REC114: variants seen among roughly 807,000 people sequenced by gnomAD.
The protein encoded by REC114 is REC114 meiotic recombination protein.
Under a neutral mutation model 31.3 loss-of-function variants are expected in REC114, and 27 were observed. That is an observed-to-expected ratio of 0.86 (90% CI 0.64 to 1.19). The LOEUF (loss-of-function observed/expected upper bound fraction) is 1.19. REC114 is among the 50% of genes most tolerant of loss of function. The pLI is 0.00. For missense variants in REC114, 344 were observed against 326.9 expected (o/e 1.05, Z -0.40); for synonymous variants, 134 against 127.7 (o/e 1.05, Z -0.33).
chr15:73,552,906 C>CCAGGTT (rs1894411837), intron 4 of REC114, among the ~76,000 whole-genome samples: 1 of 152,136 alleles, frequency 6.6e-6, no homozygotes, highest in East Asian at 1.9e-4. Flanking sequence ...ACCTGGCCTC[C>CCAGGTT]CAGGTTCAAG....
intron 2 of REC114, among the ~76,000 whole-genome samples, chr15:73,537,204 A>G (rs1232164136): frequency 6.6e-6 from 1 of 152,222 alleles, no homozygotes; most frequent in Admixed American, 6.5e-5. Flanking sequence ...ACACAATGAT[A>G]AATGCTATGA....
intron 4 of REC114, among the ~76,000 whole-genome samples, chr15:73,555,820 T>G (rs1894459001): frequency 2.0e-5 from 3 of 152,218 alleles, no homozygotes; most frequent in Admixed American, 1.3e-4. Context: ...AAAACATCAG[T>G]TGTCTTAAAA....
chr15:73,522,147 C>T (rs566095396), intron 2 of REC114, among the ~76,000 whole-genome samples: 47 of 152,294 alleles, frequency 3.1e-4, no homozygotes, highest in African/African-American at 1.0e-3. Context: ...TCCTCTCCTT[C>T]CCTGTCATGT....
At chr15:73,520,816 ATTTG>A (rs1327595668) in intron 2 of REC114, among the ~76,000 whole-genome samples, 1 of 152,150 alleles carries the variant, frequency 6.6e-6, no homozygotes, top group African/African-American at 2.4e-5. Context: ...AACTCATTAT[ATTTG>A]TTTATTAGAA....
chr15:73,535,992 G>GA (rs1278636903), intron 2 of REC114, among the ~76,000 whole-genome samples: 1 of 149,124 alleles, frequency 6.7e-6, no homozygotes, highest in African/African-American at 2.5e-5. Flanking sequence ...GCTGAAACTG[G>GA]ATCCCTTCCT....
intron 4 of REC114, among the ~76,000 whole-genome samples, chr15:73,552,489 A>T (rs561946912): frequency 6.6e-6 from 1 of 152,362 alleles, no homozygotes; most frequent in East Asian, 1.9e-4. Flanking sequence ...AACATTTTTA[A>T]ATTCCGTGTT....
At chr15:73,458,869 A>G (rs1892952529) in intron 1 of REC114, among the ~76,000 whole-genome samples, 1 of 152,228 alleles carries the variant, frequency 6.6e-6, no homozygotes. Context: ...TCATATGTCT[A>G]GCTAAAAAAA....
At chr15:73,512,796 GT>G (rs1488534224) in intron 2 of REC114, among the ~76,000 whole-genome samples, 4 of 134,594 alleles carry the variant, frequency 3.0e-5, no homozygotes, top group African/African-American at 1.3e-4. Flanking sequence ...GGCTTGTAGG[GT>G]TTCTGCCGAG....
chr15:73,505,039 C>CT lies in REC114; in HGVS notation c.249+31127dup, dbSNP rs913341767. Among the ~76,000 whole-genome samples the CT allele has an allele frequency of 1.4e-3, 212 of 151,080 alleles. 5 individuals are homozygous for CT. The South Asian group carries it at 0.037, about 26-fold the overall frequency. The stretch of plus-strand genomic sequence containing the variant: ...TGCATTTGCTGTCCTCACAAGTGAC[C>CT]TTTTTTTTTCCTTATCTGCTTGGGA... On this transcript the variant is annotated intron_variant, in intron 2 of 5. Coordinates refer to ENST00000331090, the MANE Select transcript of REC114 (RefSeq NM_001042367.2).
intron 4 of REC114, among the ~76,000 whole-genome samples, chr15:73,552,619 A>G (rs1458077579): frequency 6.6e-6 from 1 of 152,228 alleles, no homozygotes; most frequent in Non-Finnish European, 1.5e-5. Flanking sequence ...TCTCCCAGAA[A>G]TATGTGTTCT....
chr15:73,487,117 G>T (rs946554275), intron 2 of REC114, among the ~76,000 whole-genome samples: 1 of 152,020 alleles, frequency 6.6e-6, no homozygotes, highest in East Asian at 1.9e-4. Flanking sequence ...ACCTCTTAAA[G>T]GTTCTACTTC....
rs911327601 is a variant in REC114, at chr15:73,494,653, C to T, written c.249+20732C>T. On this transcript the variant is annotated intron_variant, in intron 2 of 5. Transcript: ENST00000331090. ...CAGCTTTCTGTGACGTTTGGTTGTT[C>T]GTGGTATCTCAGATGATGTTACATT... is the stretch of plus-strand genomic sequence containing the variant. Among the ~76,000 whole-genome samples, 4 of 152,198 alleles carry T rather than the reference C, an allele frequency of 2.6e-5. No individual in the cohort carries two copies. The East Asian group carries it at 5.8e-4, about 22-fold the overall frequency.
intron 2 of REC114, among the ~76,000 whole-genome samples, chr15:73,527,094 A>G (rs1894018897): frequency 6.6e-6 from 1 of 152,078 alleles, no homozygotes; most frequent in Admixed American, 6.5e-5. Context: ...CCATAGGTGT[A>G]AGCTACCACA....
At chr15:73,508,767 C>T (rs1475716048) in intron 2 of REC114, among the ~76,000 whole-genome samples, 2 of 151,018 alleles carry the variant, frequency 1.3e-5, no homozygotes, top group East Asian at 1.9e-4. Flanking sequence ...CTACAAAGGA[C>T]GTGAACTCAT....
chr15:73,511,634 G>C (rs923233296), intron 2 of REC114, among the ~76,000 whole-genome samples: 1 of 143,408 alleles, frequency 7.0e-6, no homozygotes. Context: ...AGAGATTCTG[G>C]TATGTTGTGT....
chr15:73,516,224 G>T (rs1421205707), intron 2 of REC114, among the ~76,000 whole-genome samples: 1 of 152,052 alleles, frequency 6.6e-6, no homozygotes, highest in Non-Finnish European at 1.5e-5. Flanking sequence ...GACCTCAGGT[G>T]ATCTGCCCGC....
chr15:73,451,506 A>G (rs746123126), intron 1 of REC114, among the ~76,000 whole-genome samples: 20 of 152,352 alleles, frequency 1.3e-4, no homozygotes, highest in Non-Finnish European at 2.5e-4. Context: ...ACCAACTAAA[A>G]AAAGTCCAGA....
rs191762921 is a variant in REC114 at position 73,543,793 on chromosome 15, T to C, written c.333+3225T>C. On this transcript the variant is annotated intron_variant, in intron 3 of 5. Coordinates refer to ENST00000331090, the MANE Select transcript of REC114 (RefSeq NM_001042367.2). ...AGACAATTGTATTTCTTTCCAATGATTTATATTTTTTATTACTTTCCCCAC... is the reference window on the plus strand; with the variant it reads ...AGACAATTGTATTTCTTTCCAATGACTTATATTTTTTATTACTTTCCCCAC... Among the ~76,000 whole-genome samples, 263 of 152,254 alleles carry C rather than the reference T, an allele frequency of 1.7e-3. 1 individual carries two copies. Among genetic ancestry groups the C allele is most frequent in the African/African-American group, 5.9e-3 (244 of 41,564 alleles).
At chr15:73,503,415 G>A (rs1396109777) in intron 2 of REC114, among the ~76,000 whole-genome samples, 2 of 151,814 alleles carry the variant, frequency 1.3e-5, no homozygotes, top group South Asian at 2.1e-4. Context: ...AATTTTTTCC[G>A]TATCTTTTAA....
Sources: gnomAD v4.1 joint callset for allele counts (sites outside exome capture counted in the v4.1 genomes callset) on GRCh38, gnomAD v4.1.1 for gene constraint, MANE v1.5 for transcripts, NCBI Gene and HGNC (gene_info 2026-07-23, HGNC 2026-07-21) for gene names.